Variants in MTRF1 observed in about 807,000 individuals in gnomAD.
The protein encoded by MTRF1 is mitochondrial translation release factor 1.
In MTRF1, 51 loss-of-function variants were observed where a neutral mutation model predicts 62.9. The ratio of observed to expected loss-of-function variants is 0.81; its 90% CI spans 0.65 to 1.02. The LOEUF is 1.02. MTRF1 is among the 50% of genes least tolerant of loss of function. MTRF1 has a pLI of 0.00. For missense variants in MTRF1, 446 were observed against 530.0 expected (o/e 0.84, Z 1.56); for synonymous variants, 158 against 181.9 (o/e 0.87, Z 1.06).
At position 41,252,887 on chromosome 13, in the gene MTRF1, T is replaced by C. The variant is rs775459232; in HGVS notation, c.589+62A>G. ...TAATGGACTTTTAAAGTTAGTGTTA[T>C]CAAATAAGGTAAAATTCAAGGACTT... is the stretch of plus-strand genomic sequence containing the variant. On this transcript the variant is annotated intron_variant, in intron 4 of 9. Coordinates refer to ENST00000379480, the MANE Select transcript of MTRF1 (RefSeq NM_004294.4). The C allele has an allele frequency of 2.1e-5, 30 of 1,398,208 alleles. No individual in the cohort carries two copies. The African/African-American group carries it at 2.2e-4, about 10-fold the overall frequency. The allele number at this position is 1,398,208 out of a possible 1,614,324, so 86.6% of individuals were successfully genotyped here.
the MTRF1 span, among the ~76,000 whole-genome samples, chr13:41,311,898 T>G: frequency 1.3e-5 from 2 of 152,232 alleles, no homozygotes; most frequent in Admixed American, 1.3e-4. Context: ...GCTGCCGTGC[T>G]CTCTGCCGCG....
chr13:41,300,122 C>T, the MTRF1 span, among the ~76,000 whole-genome samples: 4 of 152,094 alleles, frequency 2.6e-5, 1 homozygote, highest in African/African-American at 4.8e-5. Flanking sequence ...CTTTAGGTCC[C>T]GTTTGGGTCA....
At position 41,220,413 on chromosome 13, in the gene MTRF1, G is replaced by A. The variant is rs114482256; in HGVS notation, c.1224+2843C>T. 2,364 of 347,724 alleles carry A rather than the reference G, an allele frequency of 6.8e-3. 55 individuals carry two copies. The highest frequency in any genetic ancestry group is 0.047 in the African/African-American group (2,180 of 46,384). 21.5% of individuals were successfully genotyped at this position (347,724 alleles called of 1,614,324 possible). ...ATTTCCAGTGTAACTGGAATATAGA[G>A]CAGGAGATAAGGCTGATGTCAAGAA... is the stretch of plus-strand genomic sequence containing the variant. On this transcript the variant is annotated intron_variant, in intron 9 of 9. Transcript: ENST00000379480.
At chr13:41,273,150 C>A in the MTRF1 span, among the ~76,000 whole-genome samples, 1 of 152,084 alleles carries the variant, frequency 6.6e-6, no homozygotes, top group African/African-American at 2.4e-5. Context: ...CACAGTGAAA[C>A]CCCGTCTCTA....
chr13:41,263,809 G>T (rs562310951), upstream of MTRF1, among the ~76,000 whole-genome samples: 1 of 147,082 alleles, frequency 6.8e-6, no homozygotes, highest in African/African-American at 2.7e-5. Flanking sequence ...ATGGTGGGAG[G>T]GAGGGAGGGA....
At chr13:41,226,678 C>CA (rs1369112469) in intron 7 of MTRF1, 110 bp from the exon 8 acceptor site, 1 of 1,292,288 alleles carries the variant, frequency 7.7e-7, no homozygotes, top group East Asian at 2.3e-5. Flanking sequence ...ACAAAAGATA[C>CA]AAACATTTTA....
chr13:41,252,539 A>G (rs2039200630), intron 5 of MTRF1, 106 bp downstream of exon 5: 1 of 777,652 alleles, frequency 1.3e-6, no homozygotes, highest in African/African-American at 1.7e-5. Flanking sequence ...TTTAGTAGAT[A>G]TACACCAAAA....
chr13:41,260,057 G>A lies in MTRF1; in HGVS notation c.415+436C>T, dbSNP rs139667260. On this transcript the variant is annotated intron_variant, in intron 2 of 9. Transcript: ENST00000379480. ...ACCTTGAGACCACGGGAAGTACCACGAGGAGCCTGTTTACTTAGTACATTG... is the reference window on the plus strand; with the variant it reads ...ACCTTGAGACCACGGGAAGTACCACAAGGAGCCTGTTTACTTAGTACATTG... Among the ~76,000 whole-genome samples, 167 of 152,290 alleles carry A rather than the reference G, an allele frequency of 1.1e-3. 3 individuals are homozygous for A. In the East Asian group the frequency reaches 0.029, roughly 27 times the overall value.
chr13:41,256,412 C>T (rs556445832), intron 2 of MTRF1, among the ~76,000 whole-genome samples: 22 of 151,686 alleles, frequency 1.5e-4, no homozygotes, highest in African/African-American at 4.1e-4. Context: ...TTGCAACCTC[C>T]GCCTCCTGGG....
chr13:41,306,436 A>G, the MTRF1 span, among the ~76,000 whole-genome samples: 8 of 152,108 alleles, frequency 5.3e-5, no homozygotes, highest in African/African-American at 1.9e-4. Flanking sequence ...GAGAGCAGAA[A>G]CATCAGGGAG....
At chr13:41,233,793 G>A in intron 7 of MTRF1, 97 bp downstream of exon 7, 3 of 915,396 alleles carry the variant, frequency 3.3e-6, no homozygotes, top group Non-Finnish European at 5.3e-6. Context: ...TTAAAGAGCT[G>A]TGCAAGGAAC....
chr13:41,293,152 T>TTGTGTG, the MTRF1 span, among the ~76,000 whole-genome samples: 49 of 150,302 alleles, frequency 3.3e-4, no homozygotes, highest in Admixed American at 4.6e-4. Flanking sequence ...TGTGAAATCT[T>TTGTGTG]TGTGTGTGTG....
chr13:41,273,625 G>A, the MTRF1 span, among the ~76,000 whole-genome samples: 2 of 151,938 alleles, frequency 1.3e-5, no homozygotes, highest in Admixed American at 6.6e-5. Flanking sequence ...ATCACCTGAG[G>A]TCAGGAGTTT....
intron 1 of MTRF1, among the ~76,000 whole-genome samples, chr13:41,262,684 C>T (rs1222081469): frequency 2.0e-5 from 3 of 152,056 alleles, no homozygotes; most frequent in African/African-American, 4.8e-5. Context: ...GGTCAAGCCA[C>T]GCACAGTAGC....
chr13:41,297,700 C>T, the MTRF1 span, among the ~76,000 whole-genome samples: 3 of 151,956 alleles, frequency 2.0e-5, no homozygotes, highest in Admixed American at 6.6e-5. Context: ...CTCAGCGTCC[C>T]GAGTGGCTGG....
intron 8 of MTRF1, among the ~76,000 whole-genome samples, chr13:41,224,765 A>C (rs1240753009): frequency 6.6e-6 from 1 of 152,226 alleles, no homozygotes; most frequent in Non-Finnish European, 1.5e-5. Flanking sequence ...GAAGAAAAAA[A>C]CTTCTAAGCC....
chr13:41,242,851 A>AG (rs1377353414), intron 5 of MTRF1, among the ~76,000 whole-genome samples: 1 of 152,112 alleles, frequency 6.6e-6, no homozygotes, highest in Non-Finnish European at 1.5e-5. Flanking sequence ...TGCAAAGCTG[A>AG]GGGGGGCAGA....
chr13:41,310,765 G>A, the MTRF1 span, among the ~76,000 whole-genome samples: 5 of 152,170 alleles, frequency 3.3e-5, no homozygotes, highest in Admixed American at 6.5e-5. Flanking sequence ...AATCAAGGAG[G>A]AAAAGGAAAG....
chr13:41,219,971 C>T (rs1241228372), intron 9 of MTRF1, among the ~76,000 whole-genome samples: 1 of 125,184 alleles, frequency 8.0e-6, no homozygotes, highest in Non-Finnish European at 1.6e-5. Context: ...GCACTCCAGC[C>T]TGGGCAACAA....
Sources: allele counts gnomAD v4.1 joint callset (sites outside exome capture counted in the v4.1 genomes callset), GRCh38; gene constraint gnomAD v4.1.1; transcripts MANE v1.5; gene names NCBI Gene and HGNC (gene_info 2026-07-23, HGNC 2026-07-21).